Variants in CUEDC1 observed in about 807,000 individuals in gnomAD.
The protein encoded by CUEDC1 is CUE domain containing 1.
A neutral mutation model predicts 43.7 loss-of-function variants in CUEDC1; 30 were observed. The ratio of observed to expected loss-of-function variants is 0.69; its 90% CI spans 0.51 to 0.93. CUEDC1 has a LOEUF of 0.93. Ranked by LOEUF, CUEDC1 falls within the 40% of genes least tolerant of loss-of-function variation. The pLI is 0.00. For missense variants in CUEDC1, 486 were observed against 549.0 expected (o/e 0.89, Z 1.15); for synonymous variants, 223 against 223.6 (o/e 1.00, Z 0.02).
chr17:57,950,551 A>C (rs1437499690), intron 1 of CUEDC1, among the ~76,000 whole-genome samples: 1 of 144,114 alleles, frequency 6.9e-6, no homozygotes, highest in Non-Finnish European at 1.5e-5. Flanking sequence ...CTGCTCACTG[A>C]AACCTCCGCC....
At chr17:57,904,829 TG>T (rs2074511570) in intron 1 of CUEDC1, among the ~76,000 whole-genome samples, 1 of 151,878 alleles carries the variant, frequency 6.6e-6, no homozygotes, top group Non-Finnish European at 1.5e-5. Context: ...GCAGCAGAGG[TG>T]GCTTGTTCAG....
rs182281647 is a variant in CUEDC1, at chr17:57,896,863, G to A, written c.-315-10984C>T. Among the ~76,000 whole-genome samples, 68 of 143,672 alleles carry A rather than the reference G, an allele frequency of 4.7e-4. 1 individual carries two copies. The East Asian group carries it at 9.5e-3, about 20-fold the overall frequency. The allele number at this position is 143,672 out of a possible 152,430, so 94.3% of individuals were successfully genotyped here. A position where few individuals can be genotyped will look rare whatever the true frequency, so the allele number is the denominator to read the frequency against. On this transcript the variant is annotated intron_variant, in intron 1 of 10. Coordinates refer to ENST00000577830, the MANE Select transcript of CUEDC1 (RefSeq NM_001271875.2). Reference sequence around the variant, plus strand: ...TCAGCTTATGCAACCTCTGCCTCCCGGGTTCAAGTGATTCTCCTGCCTCAG... The same window carrying A: ...TCAGCTTATGCAACCTCTGCCTCCCAGGTTCAAGTGATTCTCCTGCCTCAG...
rs1448296194 is a variant in CUEDC1 at position 57,915,757 on chromosome 17, CG to C, written c.-315-29879del. On this transcript the variant is annotated intron_variant, in intron 1 of 10. Coordinates refer to ENST00000577830, the MANE Select transcript of CUEDC1 (RefSeq NM_001271875.2). ...GCTGTTTGGGCCAACACTTGAGCTC[CG>C]GCCTGGAACAGAAGGCTCCCTAATA... is the stretch of plus-strand genomic sequence containing the variant. Among the ~76,000 whole-genome samples, 6 of 152,120 alleles carry C rather than the reference CG, an allele frequency of 3.9e-5. No individual in the cohort carries two copies. In the South Asian group the frequency reaches 1.0e-3, roughly 26 times the overall value.
intron 1 of CUEDC1, among the ~76,000 whole-genome samples, chr17:57,906,435 G>C (rs867531812): frequency 1.9e-4 from 29 of 152,352 alleles, no homozygotes; most frequent in African/African-American, 7.0e-4. Context: ...AAGTAGAATA[G>C]AGGTTTCCAA....
chr17:57,950,597 TG>T (rs2074997864), intron 1 of CUEDC1, among the ~76,000 whole-genome samples: 2 of 151,878 alleles, frequency 1.3e-5, no homozygotes, highest in Non-Finnish European at 2.9e-5. Context: ...CTCAGCCTCC[TG>T]GGTAGCTGAG....
At chr17:57,905,281 C>CAT (rs1174563871) in intron 1 of CUEDC1, among the ~76,000 whole-genome samples, 3 of 143,900 alleles carry the variant, frequency 2.1e-5, no homozygotes, top group African/African-American at 5.2e-5. Context: ...CACACACACA[C>CAT]ACACACACAC....
At chr17:57,920,873 G>C (rs1250052763) in intron 1 of CUEDC1, among the ~76,000 whole-genome samples, 1 of 152,112 alleles carries the variant, frequency 6.6e-6, no homozygotes, top group Non-Finnish European at 1.5e-5. Context: ...CTGACCTCAG[G>C]TGATCTGCCC....
intron 1 of CUEDC1, among the ~76,000 whole-genome samples, chr17:57,904,772 G>A (rs1388474920): frequency 1.3e-5 from 2 of 152,164 alleles, no homozygotes; most frequent in Non-Finnish European, 2.9e-5. Flanking sequence ...CCGTAGGGGA[G>A]TGGGGGGGCC....
chr17:57,872,710 A>G lies in CUEDC1; in HGVS notation c.737T>C (p.Met246Thr). 1 of 1,614,124 alleles carries G rather than the reference A, an allele frequency of 6.2e-7. No homozygotes were observed. The highest frequency in any genetic ancestry group is 8.5e-7 in the Non-Finnish European group (1 of 1,180,000). Residue 246 changes from methionine (M) to threonine (T), a missense_variant, in exon 5 of 11, where the codon ATG becomes ACG. Coordinates refer to ENST00000577830, the MANE Select transcript of CUEDC1 (RefSeq NM_001271875.2). Reference protein sequence around the residue: ...IALFLQNEEFMKELQRNRDFL... With the variant: ...IALFLQNEEFTKELQRNRDFL... The stretch of plus-strand genomic sequence containing the variant: ...GTCGCGGTTCCGTTGCAGCTCCTTC[A>G]TGAACTCCTCGTTCTGCAGGAAAAG...
intron 10 of CUEDC1, among the ~76,000 whole-genome samples, chr17:57,864,981 T>C (rs2073935558): frequency 6.6e-6 from 1 of 152,136 alleles, no homozygotes; most frequent in African/African-American, 2.4e-5. Context: ...CGCTTGAACC[T>C]GAGAGGTGAA....
intron 1 of CUEDC1, among the ~76,000 whole-genome samples, chr17:57,927,722 G>A (rs973612951): frequency 3.9e-5 from 6 of 152,236 alleles, no homozygotes; most frequent in South Asian, 2.1e-4. Flanking sequence ...CCAATAACCT[G>A]TTGCTCTGCA....
chr17:57,945,662 C>T (rs2074953837), intron 1 of CUEDC1, among the ~76,000 whole-genome samples: 1 of 152,204 alleles, frequency 6.6e-6, no homozygotes, highest in African/African-American at 2.4e-5. Flanking sequence ...TTAATGAGGA[C>T]TTACAATATG....
intron 1 of CUEDC1, among the ~76,000 whole-genome samples, chr17:57,950,345 G>A (rs376633065): frequency 2.0e-5 from 3 of 151,962 alleles, no homozygotes; most frequent in East Asian, 1.9e-4. Context: ...AGAGACGGGG[G>A]TTTCACCATG....
In CUEDC1 at chr17:57,910,743, T is replaced by G. The variant is rs376663305; in HGVS notation, c.-315-24864A>C. 2.1e-4 allele frequency among the ~76,000 whole-genome samples: 32 copies of G among 152,280 alleles called. No homozygotes were observed. In the South Asian group the frequency reaches 5.8e-3, roughly 28 times the overall value. The stretch of plus-strand genomic sequence containing the variant: ...TACAACTCTGTGAACACCCCCTTTT[T>G]CTTCCTTTCTTATATTTTTCCACAA... On this transcript the variant is annotated intron_variant, in intron 1 of 10. Transcript: ENST00000577830.
At chr17:57,886,086 A>G (rs1448081851) in intron 1 of CUEDC1, among the ~76,000 whole-genome samples, 10 of 152,222 alleles carry the variant, frequency 6.6e-5, no homozygotes, top group Non-Finnish European at 1.0e-4. Context: ...CCAGTTAGCA[A>G]GGGATTCCTC....
chr17:57,891,323 G>A (rs1217818540), intron 1 of CUEDC1, among the ~76,000 whole-genome samples: 1 of 152,180 alleles, frequency 6.6e-6, no homozygotes, highest in African/African-American at 2.4e-5. Context: ...CAAAACCTTT[G>A]GAGTCATCTT....
chr17:57,939,342 G>A (rs1326190877), intron 1 of CUEDC1, among the ~76,000 whole-genome samples: 1 of 151,742 alleles, frequency 6.6e-6, no homozygotes, highest in South Asian at 2.1e-4. Flanking sequence ...CCGGCTCACC[G>A]CAGCCTTGAA....
intron 1 of CUEDC1, among the ~76,000 whole-genome samples, chr17:57,898,830 A>G (rs2074440657): frequency 6.6e-6 from 1 of 152,184 alleles, no homozygotes; most frequent in Non-Finnish European, 1.5e-5. Context: ...GAGCTGGGCC[A>G]GCAGCCCTGT....
chr17:57,866,824 T>C, intron 9 of CUEDC1: 1 of 467,182 alleles, frequency 2.1e-6, no homozygotes, highest in South Asian at 2.3e-5. Context: ...ATGGAAAAGC[T>C]GGACTATCTA....
Sources: allele counts gnomAD v4.1 joint callset (sites outside exome capture counted in the v4.1 genomes callset), GRCh38; gene constraint gnomAD v4.1.1; transcripts MANE v1.5; gene names NCBI Gene and HGNC (gene_info 2026-07-23, HGNC 2026-07-21).